The following SGCZ variants were observed in gnomAD, a reference collection of about 807,000 sequenced individuals.
The protein encoded by SGCZ is zeta-sarcoglycan.
Under a neutral mutation model 41.3 loss-of-function variants are expected in SGCZ, and 40 were observed. The ratio of observed to expected loss-of-function variants is 0.97; its 90% CI spans 0.75 to 1.26. The LOEUF (loss-of-function observed/expected upper bound fraction) is 1.26, where lower values mean the gene tolerates loss of function less well. SGCZ is among the 50% of genes most tolerant of loss of function. SGCZ has a pLI of 0.00. For missense variants in SGCZ, 552 were observed against 369.8 expected, an observed-to-expected ratio of 1.49 and a Z score of -4.04; for synonymous variants, 206 against 137.5, an observed-to-expected ratio of 1.50 and a Z score of -3.49.
chr8:15,019,861 T>C (rs915199504), intron 1 of SGCZ, among the ~76,000 whole-genome samples: 2 of 148,576 alleles, frequency 1.3e-5, no homozygotes, highest in African/African-American at 2.5e-5. Flanking sequence ...TCGGACATAC[T>C]AGATTCGAAA....
intron 2 of SGCZ, among the ~76,000 whole-genome samples, chr8:14,335,569 C>T (rs1196091864): frequency 1.3e-5 from 2 of 152,088 alleles, no homozygotes; most frequent in African/African-American, 4.8e-5. Context: ...TGTTTATCAG[C>T]TGTCACAGAC....
intron 1 of SGCZ, among the ~76,000 whole-genome samples, chr8:14,883,665 T>C (rs1428909256): frequency 1.3e-5 from 2 of 152,008 alleles, no homozygotes; most frequent in Admixed American, 1.3e-4. Context: ...TCTCCCAAAA[T>C]CTTACCCAGC....
chr8:14,254,656 T>C (rs1338340953), intron 3 of SGCZ, among the ~76,000 whole-genome samples: 4 of 152,218 alleles, frequency 2.6e-5, no homozygotes, highest in Non-Finnish European at 5.9e-5. Context: ...CAAGATAAAA[T>C]ATTTTAAATG....
intron 5 of SGCZ, among the ~76,000 whole-genome samples, chr8:14,148,123 G>C (rs1208063314): frequency 6.6e-6 from 1 of 151,938 alleles, no homozygotes; most frequent in Non-Finnish European, 1.5e-5. Flanking sequence ...CAAATAAACA[G>C]TCTAACAATG....
intron 3 of SGCZ, among the ~76,000 whole-genome samples, chr8:14,239,879 G>A (rs1211370164): frequency 9.3e-5 from 10 of 107,554 alleles, no homozygotes; most frequent in African/African-American, 1.2e-4. Flanking sequence ...TCCAGCCTGG[G>A]CGACAGAGCG....
intron 1 of SGCZ, among the ~76,000 whole-genome samples, chr8:14,927,888 C>T (rs376805466): frequency 3.3e-5 from 5 of 152,084 alleles, no homozygotes; most frequent in African/African-American, 7.2e-5. Context: ...GGGAGAAAGA[C>T]GCCATGGAAT....
intron 1 of SGCZ, among the ~76,000 whole-genome samples, chr8:14,586,142 A>T (rs1483716602): frequency 6.6e-6 from 1 of 152,158 alleles, no homozygotes; most frequent in African/African-American, 2.4e-5. Context: ...GTTGTCTTAG[A>T]TTTCATGCTA....
chr8:14,482,654 G>A (rs1260379502), intron 2 of SGCZ, among the ~76,000 whole-genome samples: 2 of 152,080 alleles, frequency 1.3e-5, no homozygotes, highest in Non-Finnish European at 2.9e-5. Flanking sequence ...GTTTCTGGAA[G>A]ATATTAGCAT....
chr8:14,694,163 A>C (rs1289304226), intron 1 of SGCZ, among the ~76,000 whole-genome samples: 1 of 152,138 alleles, frequency 6.6e-6, no homozygotes, highest in Non-Finnish European at 1.5e-5. Flanking sequence ...TTAGCACACA[A>C]TAAGCACTCT....
chr8:14,167,026 G>T (rs1804231652), intron 4 of SGCZ, among the ~76,000 whole-genome samples: 1 of 151,964 alleles, frequency 6.6e-6, no homozygotes, highest in Non-Finnish European at 1.5e-5. Context: ...AAAATTACAA[G>T]CAATTAGCAA....
At chr8:14,676,883 T>C (rs1269334986) in intron 1 of SGCZ, among the ~76,000 whole-genome samples, 7 of 152,106 alleles carry the variant, frequency 4.6e-5, no homozygotes, top group Non-Finnish European at 1.0e-4. Context: ...AACTACCAGA[T>C]TTACTGCAAA....
At chr8:15,049,259 G>A (rs1804428093) in intron 1 of SGCZ, among the ~76,000 whole-genome samples, 1 of 152,114 alleles carries the variant, frequency 6.6e-6, no homozygotes, top group Admixed American at 6.6e-5. Context: ...GCATAGGGAT[G>A]AGCATTTAAG....
rs562718053 is a variant in SGCZ at position 14,748,571 on chromosome 8, G to T, written c.40-193645C>A. 1.3e-3 allele frequency among the ~76,000 whole-genome samples: 205 copies of T among 152,136 alleles called. 1 individual carries two copies. The highest frequency in any genetic ancestry group is 2.5e-3 in the Non-Finnish European group (172 of 68,002). On this transcript the variant is annotated intron_variant, in intron 1 of 7. Transcript: ENST00000382080. ...CCCCAGAAATGCATTGGAATATTTCGGCATGTTTCTCTGCCAGAAAAATAT... is the reference window on the plus strand; with the variant it reads ...CCCCAGAAATGCATTGGAATATTTCTGCATGTTTCTCTGCCAGAAAAATAT...
intron 1 of SGCZ, among the ~76,000 whole-genome samples, chr8:14,756,185 ATTTTT>A (rs34700961): frequency 7.3e-6 from 1 of 136,148 alleles, no homozygotes; most frequent in Non-Finnish European, 1.6e-5. Context: ...GTAGAAGTAA[ATTTTT>A]TTTTTTTTTT....
At chr8:15,147,321 C>G (rs1263135810) in intron 1 of SGCZ, among the ~76,000 whole-genome samples, 2 of 152,122 alleles carry the variant, frequency 1.3e-5, no homozygotes, top group East Asian at 3.9e-4. Flanking sequence ...TCTTTTTGAC[C>G]AGGCTGGAGT....
At chr8:14,727,180 C>T (rs2130216534) in intron 1 of SGCZ, among the ~76,000 whole-genome samples, 1 of 152,172 alleles carries the variant, frequency 6.6e-6, no homozygotes, top group East Asian at 1.9e-4. Flanking sequence ...ACAAACACTT[C>T]ACCAAAGAAG....
chr8:15,015,741 GTGT>G (rs1432023174), intron 1 of SGCZ, among the ~76,000 whole-genome samples: 13 of 148,184 alleles, frequency 8.8e-5, no homozygotes, highest in African/African-American at 3.3e-4. Context: ...GTGTGTGTGT[GTGT>G]GTGTGTGTGT....
At chr8:14,581,441 GT>G (rs920383896) in intron 1 of SGCZ, among the ~76,000 whole-genome samples, 21 of 150,398 alleles carry the variant, frequency 1.4e-4, no homozygotes, top group African/African-American at 3.9e-4. Context: ...TTGTTTGTTT[GT>G]TTTTTTGTTT....
intron 1 of SGCZ, among the ~76,000 whole-genome samples, chr8:15,207,368 G>C (rs1347219517): frequency 1.3e-5 from 2 of 152,162 alleles, no homozygotes; most frequent in South Asian, 2.1e-4. Context: ...AAAATTAGAA[G>C]GCTAGACTGG....
Sources: gnomAD v4.1 joint callset for allele counts (sites outside exome capture counted in the v4.1 genomes callset) on GRCh38, gnomAD v4.1.1 for gene constraint, MANE v1.5 for transcripts, NCBI Gene and HGNC (gene_info 2026-07-23, HGNC 2026-07-21) for gene names.